The following NCAM2 variants were observed in gnomAD, a reference collection of about 807,000 sequenced individuals.
NCAM2 encodes the protein neural cell adhesion molecule 2, also known as N-CAM-2.
A neutral mutation model predicts 98.1 loss-of-function variants in NCAM2; 30 were observed. The observed-to-expected ratio is 0.31, with a 90% CI of 0.23 to 0.41. NCAM2 has a LOEUF of 0.41. Ranked by LOEUF, NCAM2 falls within the 10% of genes least tolerant of loss-of-function variation. The pLI, the probability that NCAM2 is intolerant of heterozygous loss-of-function variation, is 1.00. For synonymous variants in NCAM2, 368 were observed against 342.4 expected (o/e 1.07, Z -0.83); for missense variants, 867 against 1,005.8 (o/e 0.86, Z 1.87).
At chr21:21,248,836 T>C (rs2147276425) in intron 1 of NCAM2, among the ~76,000 whole-genome samples, 1 of 142,826 alleles carries the variant, frequency 7.0e-6, no homozygotes, top group East Asian at 2.1e-4. Flanking sequence ...AATTTCTTTC[T>C]TTGGCAAAGT....
At chr21:21,026,094 G>A (rs902401332) in intron 1 of NCAM2, among the ~76,000 whole-genome samples, 1 of 152,182 alleles carries the variant, frequency 6.6e-6, no homozygotes, top group African/African-American at 2.4e-5. Flanking sequence ...GGAAGTATCA[G>A]TGTGACGTGG....
rs1251156902 is a variant in NCAM2, at chr21:21,530,285, TAATTATATATAATTAAATTA to T, written c.2283-4226_2283-4207del. On this transcript the variant is annotated intron_variant, in intron 16 of 17. Coordinates refer to ENST00000400546, the MANE Select transcript of NCAM2 (RefSeq NM_004540.5). ...TAATTTAATTATATATAATTTAATTTAATTATATATAATTAAATTAAATTATATATAATTAAATTAAATTA... is the reference window on the plus strand; with the variant it reads ...TAATTTAATTATATATAATTTAATTTAATTATATATAATTAAATTAAATTA... Among the ~76,000 whole-genome samples, 44 of 121,578 alleles carry T rather than the reference TAATTATATATAATTAAATTA, an allele frequency of 3.6e-4. 1 individual carries two copies. The South Asian group carries it at 5.9e-3, about 16-fold the overall frequency. 79.8% of individuals were successfully genotyped at this position (121,578 alleles called of 152,430 possible). A position where few individuals can be genotyped will look rare whatever the true frequency, so the allele number is the denominator to read the frequency against.
chr21:21,503,820 T>C (rs1041849605), intron 15 of NCAM2, among the ~76,000 whole-genome samples: 6 of 151,980 alleles, frequency 3.9e-5, no homozygotes, highest in African/African-American at 1.4e-4. Flanking sequence ...ACAGTTGCTT[T>C]TAATAGTAAA....
intron 1 of NCAM2, among the ~76,000 whole-genome samples, chr21:21,143,368 T>C (rs1168504416): frequency 6.6e-6 from 1 of 152,238 alleles, no homozygotes; most frequent in Non-Finnish European, 1.5e-5. Context: ...TTAACTCTGA[T>C]TCTTCAGTTT....
chr21:21,097,397 C>T lies in NCAM2; in HGVS notation c.55+98779C>T, dbSNP rs986570729. On this transcript the variant is annotated intron_variant, in intron 1 of 17. Transcript: ENST00000400546. ...TTCACTAAACAGTGGAAACGAGTTT[C>T]ATGCATTTTAGAACTGCAAAATTGA... is the stretch of plus-strand genomic sequence containing the variant. Among the ~76,000 whole-genome samples, 21 of 151,662 alleles carry T rather than the reference C, an allele frequency of 1.4e-4. 1 individual carries two copies. The highest frequency in any genetic ancestry group is 5.1e-4 in the African/African-American group (21 of 41,374).
At chr21:21,127,437 A>C (rs570870150) in intron 1 of NCAM2, among the ~76,000 whole-genome samples, 1 of 152,148 alleles carries the variant, frequency 6.6e-6, no homozygotes, top group East Asian at 1.9e-4. Context: ...CATCTCAAAC[A>C]TTATTTATTT....
intron 9 of NCAM2, among the ~76,000 whole-genome samples, chr21:21,402,457 C>G (rs1352624254): frequency 6.6e-6 from 1 of 152,134 alleles, no homozygotes; most frequent in African/African-American, 2.4e-5. Flanking sequence ...GACTGGTTCT[C>G]TGCTCTCAAA....
chr21:21,414,377 G>A (rs1206553496), intron 10 of NCAM2, among the ~76,000 whole-genome samples: 4 of 152,040 alleles, frequency 2.6e-5, no homozygotes, highest in Non-Finnish European at 4.4e-5. Flanking sequence ...ATCCTTTTCA[G>A]AAGATTTTCA....
intron 1 of NCAM2, among the ~76,000 whole-genome samples, chr21:21,235,776 C>T (rs1257741259): frequency 6.6e-6 from 1 of 151,950 alleles, no homozygotes; most frequent in Non-Finnish European, 1.5e-5. Context: ...ACCCTGAATT[C>T]AGATCTCAGC....
chr21:21,241,749 G>T (rs1353663645), intron 1 of NCAM2, among the ~76,000 whole-genome samples: 2 of 149,966 alleles, frequency 1.3e-5, no homozygotes, highest in Non-Finnish European at 3.0e-5. Flanking sequence ...TTGGACAAAA[G>T]GCTGCATACT....
At chr21:21,058,134 T>G (rs924566633) in intron 1 of NCAM2, among the ~76,000 whole-genome samples, 1 of 94,114 alleles carries the variant, frequency 1.1e-5, no homozygotes, top group African/African-American at 4.7e-5. Context: ...AAGTGGGCCC[T>G]AAGTCTCTTC....
intron 1 of NCAM2, among the ~76,000 whole-genome samples, chr21:21,231,210 G>A (rs1281149583): frequency 1.3e-5 from 2 of 151,170 alleles, no homozygotes; most frequent in African/African-American, 4.8e-5. Context: ...GTAGATGAGG[G>A]AGCAGTAAAT....
At chr21:21,277,830 T>C (rs181122785) in intron 1 of NCAM2, among the ~76,000 whole-genome samples, 22 of 152,226 alleles carry the variant, frequency 1.4e-4, no homozygotes, top group Admixed American at 1.3e-3. Context: ...AGAAAAAATA[T>C]GGCAGATGAA....
chr21:21,368,150 G>A (rs2075830703), intron 8 of NCAM2, among the ~76,000 whole-genome samples: 1 of 151,600 alleles, frequency 6.6e-6, no homozygotes, highest in Admixed American at 6.6e-5. Flanking sequence ...ATTAAAATAT[G>A]GGTACTTATT....
At chr21:21,278,097 T>C (rs561412081) in intron 1 of NCAM2, among the ~76,000 whole-genome samples, 1 of 152,158 alleles carries the variant, frequency 6.6e-6, no homozygotes, top group East Asian at 1.9e-4. Context: ...GGAAATAAGA[T>C]TATATCTTAA....
At chr21:21,534,243 A>G (rs1989864239) in intron 16 of NCAM2, among the ~76,000 whole-genome samples, 1 of 152,052 alleles carries the variant, frequency 6.6e-6, no homozygotes, top group African/African-American at 2.4e-5. Flanking sequence ...ATTTTTTTCA[A>G]AATAGAATAT....
chr21:21,004,788 T>G (rs535705823), intron 1 of NCAM2, among the ~76,000 whole-genome samples: 1 of 152,200 alleles, frequency 6.6e-6, no homozygotes, highest in East Asian at 1.9e-4. Flanking sequence ...CGTTCCTTTA[T>G]CCATGAGGGC....
chr21:21,494,166 C>T (rs1048348915), intron 15 of NCAM2, among the ~76,000 whole-genome samples: 12 of 151,494 alleles, frequency 7.9e-5, no homozygotes, highest in Admixed American at 4.6e-4. Context: ...GTTTAGAAAA[C>T]GCAGAAGTTT....
intron 15 of NCAM2, among the ~76,000 whole-genome samples, chr21:21,482,232 A>G (rs1985955882): frequency 6.6e-6 from 1 of 152,204 alleles, no homozygotes; most frequent in African/African-American, 2.4e-5. Context: ...TTTGTGAGGC[A>G]ATTTTAAAGG....
Sources: allele counts gnomAD v4.1 joint callset (sites outside exome capture counted in the v4.1 genomes callset), GRCh38; gene constraint gnomAD v4.1.1; transcripts MANE v1.5; gene names NCBI Gene and HGNC (gene_info 2026-07-23, HGNC 2026-07-21).